Variants in CABLES2 observed in about 807,000 individuals in gnomAD.
CABLES2 encodes the protein Cdk5 and Abl enzyme substrate 2.
In CABLES2, 35 loss-of-function variants were observed where a neutral mutation model predicts 44.8. That is an observed-to-expected ratio of 0.78 (90% confidence interval 0.60 to 1.04). CABLES2 has a LOEUF of 1.04. Ranked by LOEUF, CABLES2 falls within the 50% of genes least tolerant of loss-of-function variation. CABLES2 has a pLI of 0.00. For missense variants in CABLES2, 566 were observed against 615.7 expected (o/e 0.92, Z 0.85); for synonymous variants, 282 against 281.1 (o/e 1.00, Z -0.03).
rs983237407 is a variant in CABLES2 at position 62,389,147 on chromosome 20, A to G, written c.*1824T>C. On this transcript the variant is annotated 3_prime_UTR_variant, in exon 10 of 10. Transcript: ENST00000279101. ...GGAAGTCAGTCCTTTACATGCTCGTAACATGGGCGAGCTCTTGAGATGGGA... is the reference window on the plus strand; with the variant it reads ...GGAAGTCAGTCCTTTACATGCTCGTGACATGGGCGAGCTCTTGAGATGGGA... The G allele has an allele frequency of 6.5e-6, 1 of 153,052 alleles. No individual in the cohort carries two copies. Among genetic ancestry groups the G allele is most frequent in the East Asian group, 1.9e-4 (1 of 5,194 alleles). 9.5% of individuals were successfully genotyped at this position (153,052 alleles called of 1,614,324 possible).
intron 1 of CABLES2, chr20:62,403,174 C>G (rs138293038): frequency 6.6e-6 from 1 of 152,354 alleles, no homozygotes; most frequent in East Asian, 1.9e-4. Context: ...ACTCTCACCT[C>G]ATTAGCGTTG....
chr20:62,388,642 CTG>C lies in CABLES2; in HGVS notation c.*2327_*2328del. 4 of 634,902 alleles carry C rather than the reference CTG, an allele frequency of 6.3e-6. No homozygotes were observed. The highest frequency in any genetic ancestry group is 1.1e-5 in the Non-Finnish European group (4 of 360,884). The allele number at this position is 634,902 out of a possible 1,614,324, so 39.3% of individuals were successfully genotyped here. On this transcript the variant is annotated 3_prime_UTR_variant, in exon 10 of 10. Transcript: ENST00000279101. ...ACAAGCTGTGAAACATATTGCAAAA[CTG>C]AGGTTTAAAGGACAAATACATTATC...
chr20:62,395,445 G>A lies in CABLES2; in HGVS notation c.528-431C>T, dbSNP rs1022603048. On this transcript the variant is annotated intron_variant, in intron 3 of 9. Transcript: ENST00000279101. ...GACCTCAGAGGTCCTGGGTGGAGCG[G>A]GGCTCAACACCACCAGAAAGGGCCT... is the stretch of plus-strand genomic sequence containing the variant. 3.9e-5 allele frequency among the ~76,000 whole-genome samples: 6 copies of A among 152,220 alleles called. No homozygotes were observed. In the East Asian group the frequency reaches 1.2e-3, roughly 29 times the overall value.
intron 1 of CABLES2, among the ~76,000 whole-genome samples, chr20:62,406,576 A>AC (rs1393651416): frequency 1.2e-5 from 1 of 80,690 alleles, no homozygotes; most frequent in Non-Finnish European, 2.5e-5. Flanking sequence ...CAGCCCAGGA[A>AC]CCCCCAGTTC....
intron 3 of CABLES2, among the ~76,000 whole-genome samples, chr20:62,395,735 G>C (rs1186762853): frequency 6.6e-6 from 1 of 152,180 alleles, no homozygotes. Context: ...GGTCCATCCA[G>C]ACCCACAGTC....
At position 62,392,405 on chromosome 20, in the gene CABLES2, G is replaced by T. The variant is rs1224429771; in HGVS notation, c.1075C>A (p.Leu359Met). ...REKFPHVKLT[L>M]SKIRSLKREM... ...TGTCCTCACCTCCTGATTTTGCTCA[G>T]CGTCAGTTTGACATGGGGGAACTTC... Residue 359 changes from leucine (L) to methionine (M), a missense_variant, in exon 8 of 10, where the codon CTG becomes ATG. This residue lies in a region of CABLES2 where 436 missense variants were observed against 536.3 expected (regional missense o/e 0.81). Coordinates refer to ENST00000279101, the MANE Select transcript of CABLES2 (RefSeq NM_031215.3). 6.2e-7 allele frequency: 1 copy of T among 1,613,820 alleles called. No homozygotes were observed. Among genetic ancestry groups the T allele is most frequent in the East Asian group, 2.2e-5 (1 of 44,868 alleles).
At chr20:62,406,856 C>A in intron 1 of CABLES2, 59 bp downstream of exon 1, 1 of 996,550 alleles carries the variant, frequency 1.0e-6, no homozygotes. Context: ...GCTGATCCGG[C>A]CCCCGTCCCC....
At chr20:62,397,989 G>GTGA (rs1569017282) in intron 1 of CABLES2, among the ~76,000 whole-genome samples, 16 of 58,312 alleles carry the variant, frequency 2.7e-4, no homozygotes, top group Admixed American at 7.2e-4. Context: ...GATGGCGGTG[G>GTGA]TGGTGATGAT....
chr20:62,394,416 G>C, intron 4 of CABLES2, 151 bp from the exon 5 acceptor site: 1 of 637,266 alleles, frequency 1.6e-6, no homozygotes, highest in South Asian at 1.8e-5. Context: ...TGACCAGGAA[G>C]GCGCACGTCA....
At chr20:62,392,146 G>T (rs536865808) in intron 8 of CABLES2, among the ~76,000 whole-genome samples, 1 of 151,826 alleles carries the variant, frequency 6.6e-6, no homozygotes, top group African/African-American at 2.4e-5. Flanking sequence ...TGCTGCGAGG[G>T]TCTGGCTGTG....
At position 62,407,040 on chromosome 20, in the gene CABLES2, G is replaced by A; in HGVS notation, c.237C>T (p.Arg79=). 9.0e-7 allele frequency: 1 copy of A among 1,109,580 alleles called. No individual in the cohort carries two copies. The highest frequency in any genetic ancestry group is 1.1e-6 in the Non-Finnish European group (1 of 910,386). 68.7% of individuals were successfully genotyped at this position (1,109,580 alleles called of 1,614,324 possible). Residue 79 remains arginine (R), a synonymous_variant, in exon 1 of 10, where the codon CGC becomes CGT. Transcript: ENST00000279101. ...CCGGCGGCGGCGGCGCTGGCGGTTC[G>A]CGGGCCTCGGCGGGCGGCGGCGGGG... is the stretch of plus-strand genomic sequence containing the variant. ...EKPPPPPAEA[R]EPPAPPPPEP... is the part of the protein sequence containing the mutation.
intron 3 of CABLES2, among the ~76,000 whole-genome samples, chr20:62,395,556 G>A (rs1156622673): frequency 6.6e-6 from 1 of 152,228 alleles, no homozygotes; most frequent in Non-Finnish European, 1.5e-5. Context: ...AGCACAGGCA[G>A]AAGCCACTGT....
intron 8 of CABLES2, among the ~76,000 whole-genome samples, chr20:62,392,072 A>G (rs1312773097): frequency 2.6e-5 from 4 of 151,984 alleles, no homozygotes; most frequent in Non-Finnish European, 4.4e-5. Context: ...AAAATAGCAC[A>G]CACTGGGAGG....
chr20:62,400,794 C>T (rs2146427526), intron 1 of CABLES2, among the ~76,000 whole-genome samples: 1 of 152,342 alleles, frequency 6.6e-6, no homozygotes, highest in African/African-American at 2.4e-5. Flanking sequence ...GCTGGCCTGG[C>T]TCCTCCGTGA....
Position 62,405,867 on chromosome 20 carries a change from GC to G in CABLES2, c.362+1047del, listed in dbSNP as rs376878736. The G allele has an allele frequency of 7.9e-5, 12 of 152,514 alleles. No individual in the cohort carries two copies. In the East Asian group the frequency reaches 2.1e-3, roughly 27 times the overall value. The allele number at this position is 152,514 out of a possible 1,614,324, so 9.4% of individuals were successfully genotyped here. A position where few individuals can be genotyped will look rare whatever the true frequency, so the allele number is the denominator to read the frequency against. On this transcript the variant is annotated intron_variant, in intron 1 of 9. Coordinates refer to ENST00000279101, the MANE Select transcript of CABLES2 (RefSeq NM_031215.3). ...AACCGCAACAAGCAGCCAGTCCTGG[GC>G]CCAGAGCCCACAGTCACTCCTGGAG...
intron 5 of CABLES2, 140 bp from the exon 6 acceptor site, chr20:62,393,745 G>C: frequency 1.1e-6 from 1 of 879,244 alleles, no homozygotes; most frequent in East Asian, 2.7e-5. Context: ...TCAAGCCGTT[G>C]AGGCTGCGTC....
chr20:62,395,047 CG>C (rs1987992941), intron 3 of CABLES2, 33 bp from the exon 4 acceptor site: 1 of 1,536,160 alleles, frequency 6.5e-7, no homozygotes, highest in Non-Finnish European at 9.0e-7. Flanking sequence ...GAGACGGGGC[CG>C]GGGAGCGGGG....
Position 62,401,154 on chromosome 20 carries a change from CAG to C in CABLES2, c.363-4564_363-4563del, listed in dbSNP as rs749811715. 7.9e-5 allele frequency among the ~76,000 whole-genome samples: 12 copies of C among 152,332 alleles called. No individual in the cohort carries two copies. The East Asian group carries it at 1.9e-3, about 24-fold the overall frequency. Reference sequence around the variant, plus strand: ...ATGGTGGCCGCTCTCCACTGTCTCTCAGGGGCTCATTTTGTGAACCTGGCCCC... The same window carrying C: ...ATGGTGGCCGCTCTCCACTGTCTCTCGGGCTCATTTTGTGAACCTGGCCCC... On this transcript the variant is annotated intron_variant, in intron 1 of 9. Coordinates refer to ENST00000279101, the MANE Select transcript of CABLES2 (RefSeq NM_031215.3).
intron 1 of CABLES2, among the ~76,000 whole-genome samples, chr20:62,406,138 G>A (rs1342074463): frequency 1.5e-4 from 23 of 152,118 alleles, no homozygotes; most frequent in Admixed American, 1.4e-3. Context: ...GGGGAAGGGC[G>A]GGGCTCAGCA....
Sources: allele counts gnomAD v4.1 joint callset (sites outside exome capture counted in the v4.1 genomes callset), GRCh38; gene constraint gnomAD v4.1.1; regional missense constraint gnomAD v4.1.1; transcripts MANE v1.5; gene names NCBI Gene and HGNC (gene_info 2026-07-23, HGNC 2026-07-21).